Variants in SLC44A5 observed in about 807,000 individuals in gnomAD.
The protein encoded by SLC44A5 is choline transporter-like protein 5.
In SLC44A5, 57 loss-of-function variants were observed where a neutral mutation model predicts 101.8. The observed-to-expected ratio is 0.56, with a 90% CI of 0.45 to 0.70. SLC44A5 has a LOEUF of 0.70. Ranked by LOEUF, SLC44A5 falls within the 30% of genes least tolerant of loss-of-function variation. SLC44A5 has a pLI of 0.00. For missense variants in SLC44A5, 737 were observed against 853.1 expected (o/e 0.86, Z 1.70); for synonymous variants, 281 against 290.9 (o/e 0.97, Z 0.35).
chr1:75,442,872 A>T (rs1665289839), intron 2 of SLC44A5, among the ~76,000 whole-genome samples: 1 of 152,200 alleles, frequency 6.6e-6, no homozygotes, highest in Non-Finnish European at 1.5e-5. Context: ...GTTCATTTAG[A>T]AGTCAATAAC....
intron 7 of SLC44A5, among the ~76,000 whole-genome samples, chr1:75,249,517 T>C (rs976950294): frequency 2.0e-5 from 3 of 151,978 alleles, no homozygotes; most frequent in Non-Finnish European, 2.9e-5. Context: ...ACCTCCCAGG[T>C]GGCCAAGCAA....
intron 1 of SLC44A5, among the ~76,000 whole-genome samples, chr1:75,610,833 T>G (rs1675615936): frequency 6.6e-6 from 1 of 151,940 alleles, no homozygotes; most frequent in South Asian, 2.1e-4. Flanking sequence ...ACTACTCTCT[T>G]TAAATAATCC....
At chr1:75,431,492 T>C (rs1377861632) in intron 2 of SLC44A5, among the ~76,000 whole-genome samples, 1 of 152,308 alleles carries the variant, frequency 6.6e-6, no homozygotes, top group East Asian at 1.9e-4. Flanking sequence ...AATTAGAACT[T>C]TTCAGAATTG....
intron 2 of SLC44A5, among the ~76,000 whole-genome samples, chr1:75,477,756 A>G (rs991924196): frequency 9.2e-5 from 14 of 152,226 alleles, no homozygotes; most frequent in Non-Finnish European, 1.6e-4. Flanking sequence ...ACTATGTGAA[A>G]AGACCAAATC....
chr1:75,586,369 A>ATATG (rs1673991581), intron 1 of SLC44A5, among the ~76,000 whole-genome samples: 1 of 138,834 alleles, frequency 7.2e-6, no homozygotes, highest in Admixed American at 7.5e-5. Flanking sequence ...GTATGTATAT[A>ATATG]TGTGTGTGTG....
chr1:75,347,685 A>AGTGTGTGTGTGT (rs10677527), intron 3 of SLC44A5, among the ~76,000 whole-genome samples: 20 of 148,048 alleles, frequency 1.4e-4, no homozygotes, highest in African/African-American at 4.2e-4. Flanking sequence ...AGTGGTGGTG[A>AGTGTGTGTGTGT]GTGTGTGTGT....
intron 2 of SLC44A5, among the ~76,000 whole-genome samples, chr1:75,532,320 C>A (rs993155318): frequency 1.3e-5 from 2 of 152,148 alleles, no homozygotes; most frequent in African/African-American, 4.8e-5. Flanking sequence ...TACACTTGCA[C>A]GTTACTTCAG....
At chr1:75,385,488 C>G (rs1413316407) in intron 3 of SLC44A5, among the ~76,000 whole-genome samples, 3 of 152,124 alleles carry the variant, frequency 2.0e-5, no homozygotes, top group African/African-American at 7.2e-5. Flanking sequence ...GACACATACA[C>G]TCTCCCAAGA....
At chr1:75,711,651 G>C in the SLC44A5 span, among the ~76,000 whole-genome samples, 2 of 152,186 alleles carry the variant, frequency 1.3e-5, no homozygotes, top group Non-Finnish European at 2.9e-5. Context: ...TTATGTGCAG[G>C]AAAAGTCAAG....
intron 3 of SLC44A5, among the ~76,000 whole-genome samples, chr1:75,383,753 G>A (rs1251587826): frequency 2.6e-5 from 4 of 152,050 alleles, no homozygotes; most frequent in African/African-American, 9.7e-5. Context: ...ACACATAATT[G>A]TCAGATTCAC....
At chr1:75,433,551 G>A (rs1334279584) in intron 2 of SLC44A5, among the ~76,000 whole-genome samples, 1 of 152,022 alleles carries the variant, frequency 6.6e-6, no homozygotes, top group South Asian at 2.1e-4. Flanking sequence ...ATTCCAATGG[G>A]AGATCTCACC....
chr1:75,634,223 A>T, the SLC44A5 span, among the ~76,000 whole-genome samples: 2 of 152,148 alleles, frequency 1.3e-5, no homozygotes, highest in East Asian at 3.9e-4. Flanking sequence ...TATCAGGATG[A>T]TGCTGGCCTC....
At chr1:75,569,444 G>A (rs555322244) in intron 1 of SLC44A5, among the ~76,000 whole-genome samples, 6 of 151,936 alleles carry the variant, frequency 3.9e-5, no homozygotes, top group South Asian at 4.2e-4. Flanking sequence ...ATTTCACCTC[G>A]TTGCCCAGGC....
chr1:75,270,631 C>T (rs1293863383), intron 6 of SLC44A5, among the ~76,000 whole-genome samples: 1 of 151,990 alleles, frequency 6.6e-6, no homozygotes, highest in African/African-American at 2.4e-5. Flanking sequence ...ACCCAGACCC[C>T]AGAAACTGTA....
rs532632614 is a variant in SLC44A5 at position 75,314,167 on chromosome 1, A to G, written c.102-13482T>C. On this transcript the variant is annotated intron_variant, in intron 4 of 23. Coordinates refer to ENST00000370859, the MANE Select transcript of SLC44A5 (RefSeq NM_001130058.2). ...TTGTTCTCCTCCTTTAAACATTTAC[A>G]GTTTATTCCTTTCTAATACAACAAC... 2.6e-5 allele frequency among the ~76,000 whole-genome samples: 4 copies of G among 152,290 alleles called. No individual in the cohort carries two copies. In the South Asian group the frequency reaches 6.2e-4, roughly 24 times the overall value.
rs1444311914 is a variant in SLC44A5, at chr1:75,312,039, G to T, written c.102-11354C>A. On this transcript the variant is annotated intron_variant, in intron 4 of 23. Coordinates refer to ENST00000370859, the MANE Select transcript of SLC44A5 (RefSeq NM_001130058.2). ...CCACATGTTGATGAGGGGGGCTGGT[G>T]GGAGATAGTTGAATCATGGGGGCAG... 2.0e-5 allele frequency among the ~76,000 whole-genome samples: 3 copies of T among 152,106 alleles called. No individual in the cohort carries two copies. The South Asian group carries it at 6.2e-4, about 32-fold the overall frequency.
At chr1:75,431,322 C>G (rs543454928) in intron 2 of SLC44A5, among the ~76,000 whole-genome samples, 1 of 152,122 alleles carries the variant, frequency 6.6e-6, no homozygotes, top group Non-Finnish European at 1.5e-5. Context: ...TTCCCCTCCC[C>G]GCAAGCTATC....
chr1:75,642,802 G>A, the SLC44A5 span, among the ~76,000 whole-genome samples: 1 of 152,078 alleles, frequency 6.6e-6, no homozygotes, highest in Non-Finnish European at 1.5e-5. Context: ...GGAAAACAGT[G>A]GGGGTAGGGG....
the SLC44A5 span, among the ~76,000 whole-genome samples, chr1:75,634,330 G>A: frequency 2.8e-3 from 431 of 152,150 alleles, no homozygotes; most frequent in Middle Eastern, 0.014. Flanking sequence ...GGTAGAATTC[G>A]GCTGTGAATC....
Sources: allele counts gnomAD v4.1 joint callset (sites outside exome capture counted in the v4.1 genomes callset), GRCh38; gene constraint gnomAD v4.1.1; transcripts MANE v1.5; gene names NCBI Gene and HGNC (gene_info 2026-07-23, HGNC 2026-07-21).